The following SLX4IP variants were observed in gnomAD, a reference collection of about 807,000 sequenced individuals.
SLX4IP encodes the protein protein SLX4IP.
A neutral mutation model predicts 32.9 loss-of-function variants in SLX4IP; 34 were observed. The observed-to-expected ratio is 1.03, with a 90% CI of 0.79 to 1.38. The LOEUF (loss-of-function observed/expected upper bound fraction) is 1.38, where lower values mean the gene tolerates loss of function less well. SLX4IP is among the 40% of genes most tolerant of loss of function. The pLI, the probability that SLX4IP is intolerant of heterozygous loss-of-function variation, is 0.00. For synonymous variants in SLX4IP, 172 were observed against 171.7 expected (o/e 1.00, Z -0.01); for missense variants, 444 against 479.0 (o/e 0.93, Z 0.68).
chr20:10,622,982 A>C lies in SLX4IP; in HGVS notation c.830A>C (p.Glu277Ala), dbSNP rs761978821. ...LLSRSPVCSCESASPCPKQSP... is the reference protein window; with the variant it reads ...LLSRSPVCSCASASPCPKQSP... ...AGCAGGAGCCCCGTCTGTAGCTGTG[A>C]GTCAGCATCACCATGTCCAAAACAA... The change falls in exon 8 of 8, where the codon GAG becomes GCG. Residue 277 changes from glutamate to alanine, a missense_variant. Glu to Ala is a moderately radical substitution (Grantham distance 107). Transcript: ENST00000334534. 6.2e-7 allele frequency: 1 copy of C among 1,614,216 alleles called. No homozygotes were observed. The highest frequency in any genetic ancestry group is 2.2e-5 in the East Asian group (1 of 44,874).
At chr20:10,595,053 C>T (rs185205011) in intron 4 of SLX4IP, among the ~76,000 whole-genome samples, 2 of 152,202 alleles carry the variant, frequency 1.3e-5, no homozygotes, top group East Asian at 1.9e-4. Flanking sequence ...TTACGACATA[C>T]AGAGAGCAAA....
intron 6 of SLX4IP, among the ~76,000 whole-genome samples, chr20:10,607,442 A>G (rs1358192140): frequency 6.6e-6 from 1 of 152,248 alleles, no homozygotes; most frequent in Non-Finnish European, 1.5e-5. Context: ...TAAGCACTAA[A>G]TAGAACACTT....
chr20:10,569,589 G>T (rs568720389), intron 4 of SLX4IP, among the ~76,000 whole-genome samples: 1 of 152,216 alleles, frequency 6.6e-6, no homozygotes, highest in South Asian at 2.1e-4. Flanking sequence ...AAGACTAGAA[G>T]TGTAAGATCA....
chr20:10,535,934 C>T (rs1342768944), intron 2 of SLX4IP, among the ~76,000 whole-genome samples: 3 of 152,042 alleles, frequency 2.0e-5, no homozygotes, highest in Non-Finnish European at 2.9e-5. Context: ...TTTGAGAAAG[C>T]CTGAAGACCC....
Position 10,441,917 on chromosome 20 carries a change from T to G in SLX4IP, c.-30+6464T>G, listed in dbSNP as rs938597820. ...TTGTGATTCATTCCTTGATATTGGT[T>G]GTTTTGGTGGTAAGATTGGTGCATG... On this transcript the variant is annotated intron_variant, in intron 1 of 7. Coordinates refer to ENST00000334534, the MANE Select transcript of SLX4IP (RefSeq NM_001009608.3). Among the ~76,000 whole-genome samples, 4 of 152,288 alleles carry G rather than the reference T, an allele frequency of 2.6e-5. No individual in the cohort carries two copies. The South Asian group carries it at 8.3e-4, about 32-fold the overall frequency.
chr20:10,623,627 AT>A lies in SLX4IP; in HGVS notation c.*249del. 2 of 548,024 alleles carry A rather than the reference AT, an allele frequency of 3.6e-6. No individual in the cohort carries two copies. Among genetic ancestry groups the A allele is most frequent in the Non-Finnish European group, 6.2e-6 (2 of 320,430 alleles). 33.9% of individuals were successfully genotyped at this position (548,024 alleles called of 1,614,324 possible). On this transcript the variant is annotated 3_prime_UTR_variant, in exon 8 of 8. Transcript: ENST00000334534. ...TATGACTGTCTTCAGAGAATTAGTAATGACAAAGAGCCATCCACCTTGTCAG... is the reference window on the plus strand; with the variant it reads ...TATGACTGTCTTCAGAGAATTAGTAAGACAAAGAGCCATCCACCTTGTCAG...
intron 6 of SLX4IP, among the ~76,000 whole-genome samples, chr20:10,617,680 A>G (rs1376629151): frequency 5.4e-5 from 5 of 92,240 alleles, no homozygotes; most frequent in African/African-American, 2.2e-4. Flanking sequence ...TCAAAGCATT[A>G]CTCTGTCACC....
intron 2 of SLX4IP, among the ~76,000 whole-genome samples, chr20:10,553,832 G>A (rs1341139424): frequency 6.6e-6 from 1 of 152,124 alleles, no homozygotes; most frequent in Non-Finnish European, 1.5e-5. Context: ...ACACACTAAA[G>A]TGCACTCTTT....
At chr20:10,613,442 C>A (rs1286805125) in intron 6 of SLX4IP, 1 of 1,588,382 alleles carries the variant, frequency 6.3e-7, no homozygotes, top group African/African-American at 1.3e-5. Flanking sequence ...TCCATTATTT[C>A]TTTTTTTTCT....
At chr20:10,519,255 C>T (rs895249619) in intron 2 of SLX4IP, among the ~76,000 whole-genome samples, 1 of 152,062 alleles carries the variant, frequency 6.6e-6, no homozygotes, top group Non-Finnish European at 1.5e-5. Flanking sequence ...GTATATAATT[C>T]AGTAGTTTTT....
In SLX4IP at chr20:10,457,445, T is replaced by TG. The variant is rs1227054209; in HGVS notation, c.-29-731_-29-730insG. On this transcript the variant is annotated intron_variant, in intron 1 of 7. Coordinates refer to ENST00000334534, the MANE Select transcript of SLX4IP (RefSeq NM_001009608.3). ...TTTTAATTAAAAAAGCATTTTGGGT[T>TG]TTTTTTTTTTGTATTATGATTATGT... 3.1e-3 allele frequency among the ~76,000 whole-genome samples: 435 copies of TG among 142,452 alleles called. 3 individuals are homozygous for TG. Among genetic ancestry groups the TG allele is most frequent in the Non-Finnish European group, 5.1e-3 (342 of 66,790 alleles). The allele number at this position is 142,452 out of a possible 152,430, so 93.5% of individuals were successfully genotyped here.
At chr20:10,506,370 A>G (rs1371196899) in intron 2 of SLX4IP, among the ~76,000 whole-genome samples, 7 of 152,206 alleles carry the variant, frequency 4.6e-5, no homozygotes, top group Non-Finnish European at 1.0e-4. Context: ...CAGTTTCTTT[A>G]TTGAAAAACC....
At chr20:10,552,843 A>T (rs56269845) in intron 2 of SLX4IP, among the ~76,000 whole-genome samples, 3 of 128,174 alleles carry the variant, frequency 2.3e-5, no homozygotes, top group Non-Finnish European at 3.2e-5. Flanking sequence ...TTTTTTTTTT[A>T]AAGAATTAGT....
intron 2 of SLX4IP, among the ~76,000 whole-genome samples, chr20:10,476,207 A>G (rs2065474676): frequency 6.6e-6 from 1 of 152,186 alleles, no homozygotes; most frequent in East Asian, 1.9e-4. Context: ...AAAGTCAAGA[A>G]AAGTGTCAAA....
chr20:10,496,369 A>C (rs1436999308), intron 2 of SLX4IP, among the ~76,000 whole-genome samples: 1 of 152,096 alleles, frequency 6.6e-6, no homozygotes, highest in African/African-American at 2.4e-5. Flanking sequence ...ATACACAGTA[A>C]TTCTCTTCTT....
At chr20:10,513,227 A>ACC (rs1276854639) in intron 2 of SLX4IP, among the ~76,000 whole-genome samples, 1 of 152,052 alleles carries the variant, frequency 6.6e-6, no homozygotes, top group East Asian at 1.9e-4. Context: ...ACAGCTGCTA[A>ACC]CCCCAGGAGT....
chr20:10,622,149 C>T (rs1183018976), intron 7 of SLX4IP, among the ~76,000 whole-genome samples: 5 of 152,146 alleles, frequency 3.3e-5, no homozygotes, highest in African/African-American at 9.7e-5. Flanking sequence ...AGTCCTACTC[C>T]CATTTGTTGA....
At chr20:10,604,521 C>A (rs573819546) in intron 6 of SLX4IP, among the ~76,000 whole-genome samples, 1 of 152,364 alleles carries the variant, frequency 6.6e-6, no homozygotes, top group South Asian at 2.1e-4. Context: ...CTGCACTTAG[C>A]TCCCCAGTAC....
At chr20:10,609,483 A>C (rs1310322569) in intron 6 of SLX4IP, among the ~76,000 whole-genome samples, 2 of 152,208 alleles carry the variant, frequency 1.3e-5, no homozygotes, top group East Asian at 3.8e-4. Context: ...CCTGGGCAGA[A>C]GGCCAGCTCA....
Sources: gnomAD v4.1 joint callset for allele counts (sites outside exome capture counted in the v4.1 genomes callset) on GRCh38, gnomAD v4.1.1 for gene constraint, MANE v1.5 for transcripts, NCBI Gene and HGNC (gene_info 2026-07-23, HGNC 2026-07-21) for gene names.